The following PVT1 variants were observed in gnomAD, a reference collection of about 807,000 sequenced individuals.
The protein encoded by PVT1 is Pvt1 oncogene.
intron 2 of PVT1, among the ~76,000 whole-genome samples, chr8:127,797,704 A>G (rs564907055): frequency 3.6e-4 from 55 of 152,350 alleles, no homozygotes; most frequent in Non-Finnish European, 7.1e-4. Flanking sequence ...CACGCAAAGC[A>G]TGTTCTTCAC....
At chr8:128,058,895 G>A (rs536253320) in intron 4 of PVT1, among the ~76,000 whole-genome samples, 1 of 152,268 alleles carries the variant, frequency 6.6e-6, no homozygotes, top group South Asian at 2.1e-4. Flanking sequence ...ACTTGGTATT[G>A]CACCAGACGC....
At chr8:128,071,452 C>T (rs1328367023) in intron 5 of PVT1, among the ~76,000 whole-genome samples, 2 of 151,596 alleles carry the variant, frequency 1.3e-5, no homozygotes, top group Non-Finnish European at 1.5e-5. Flanking sequence ...GAGGCTGAGG[C>T]GGGAGGATCA....
chr8:127,999,774 T>C (rs979652077), intron 4 of PVT1, among the ~76,000 whole-genome samples: 2 of 152,226 alleles, frequency 1.3e-5, no homozygotes, highest in Non-Finnish European at 2.9e-5. Context: ...CATCCACTTT[T>C]AACAAACTTG....
chr8:128,100,076 C>T (rs1814483902), intron 6 of PVT1, among the ~76,000 whole-genome samples: 1 of 151,988 alleles, frequency 6.6e-6, no homozygotes, highest in Admixed American at 6.6e-5. Flanking sequence ...GCTGAGTCTG[C>T]AAATTCCATA....
intron 3 of PVT1, among the ~76,000 whole-genome samples, chr8:127,939,314 G>A (rs1451115448): frequency 1.3e-5 from 2 of 152,218 alleles, no homozygotes; most frequent in Non-Finnish European, 2.9e-5. Context: ...ATGGATGGGG[G>A]CCTACGACCG....
chr8:127,887,933 T>TG (rs1238175454), intron 2 of PVT1, among the ~76,000 whole-genome samples: 10 of 114,202 alleles, frequency 8.8e-5, no homozygotes, highest in Admixed American at 3.6e-4. Flanking sequence ...TCTATCTTGT[T>TG]TTTTTTTTTT....
chr8:127,844,858 C>T (rs865935959), intron 2 of PVT1, among the ~76,000 whole-genome samples: 2 of 152,090 alleles, frequency 1.3e-5, no homozygotes, highest in East Asian at 3.9e-4. Context: ...GAACTACAGG[C>T]GCCCACCACC....
At position 127,850,681 on chromosome 8, in the gene PVT1, G is replaced by C. The variant is rs144289018; in HGVS notation, n.373-39908G>C. ...CATTTTTTATGTAGACTCACTGATT[G>C]GGTAACTGTGGAAATAATGTCACAG... On this transcript the variant is annotated intron_variant and non_coding_transcript_variant, in intron 2 of 10. Coordinates refer to ENST00000651587, the Ensembl canonical transcript of PVT1. 4.1e-3 allele frequency among the ~76,000 whole-genome samples: 625 copies of C among 152,292 alleles called. 3 individuals are homozygous for C. The highest frequency in any genetic ancestry group is 0.014 in the African/African-American group (587 of 41,558).
chr8:127,916,920 T>G (rs990417789), intron 3 of PVT1, among the ~76,000 whole-genome samples: 1 of 152,206 alleles, frequency 6.6e-6, no homozygotes, highest in African/African-American at 2.4e-5. Flanking sequence ...TCGGTTCTGA[T>G]AGCAGGATGG....
intron 3 of PVT1, chr8:127,946,950 C>T (rs1479729400): frequency 6.6e-6 from 1 of 152,198 alleles, no homozygotes. Context: ...CTCCAAGCAG[C>T]AGGCTCTGGG....
chr8:127,864,225 G>A (rs1024796682), intron 2 of PVT1, among the ~76,000 whole-genome samples: 5 of 152,160 alleles, frequency 3.3e-5, no homozygotes, highest in African/African-American at 1.2e-4. Context: ...GTGTGGGTTG[G>A]AATGCTGGGG....
chr8:127,966,712 A>G lies in PVT1; in HGVS notation n.783-22450A>G, dbSNP rs535545331. The stretch of plus-strand genomic sequence containing the variant: ...GACTTAAATTTAAATAGCCCTCCCT[A>G]TGTAGCCAGTGGCCACCCCATTGGA... On this transcript the variant is annotated intron_variant and non_coding_transcript_variant, in intron 3 of 10. Coordinates refer to ENST00000651587, the Ensembl canonical transcript of PVT1. Among the ~76,000 whole-genome samples the G allele has an allele frequency of 5.3e-5, 8 of 152,278 alleles. No individual in the cohort carries two copies. In the East Asian group the frequency reaches 1.5e-3, roughly 29 times the overall value.
In PVT1 at chr8:127,880,596, C is replaced by CT. The variant is rs35252729; in HGVS notation, n.373-9973dup. On this transcript the variant is annotated intron_variant and non_coding_transcript_variant, in intron 2 of 10. Transcript: ENST00000651587. ...TAGGCATGAGCCATCGCCCCCGGCC[C>CT]TTTTTTTTTTTTTTTTTTTTCCGAG... Among the ~76,000 whole-genome samples, 537 of 108,076 alleles carry CT rather than the reference C, an allele frequency of 5.0e-3. 3 individuals carry two copies. The highest frequency in any genetic ancestry group is 0.015 in the East Asian group (53 of 3,532). 70.9% of individuals were successfully genotyped at this position (108,076 alleles called of 152,430 possible). A position where few individuals can be genotyped will look rare whatever the true frequency, so the allele number is the denominator to read the frequency against.
At chr8:128,014,736 A>C (rs995767884) in intron 4 of PVT1, among the ~76,000 whole-genome samples, 1 of 152,208 alleles carries the variant, frequency 6.6e-6, no homozygotes, top group African/African-American at 2.4e-5. Flanking sequence ...TTTCCATTGA[A>C]ATTGAAGTTC....
chr8:128,027,412 G>C (rs888312976), intron 4 of PVT1, among the ~76,000 whole-genome samples: 2 of 152,172 alleles, frequency 1.3e-5, no homozygotes, highest in Admixed American at 6.5e-5. Context: ...AACTTGGGTG[G>C]GGACAGGCAT....
intron 2 of PVT1, among the ~76,000 whole-genome samples, chr8:127,845,192 GAT>G (rs374661190): frequency 2.7e-4 from 41 of 151,132 alleles, no homozygotes; most frequent in African/African-American, 1.0e-3. Context: ...TGTGACGAGG[GAT>G]GGCACTGGGG....
chr8:128,043,682 A>G (rs1813572688), intron 4 of PVT1, among the ~76,000 whole-genome samples: 1 of 151,946 alleles, frequency 6.6e-6, no homozygotes, highest in Non-Finnish European at 1.5e-5. Context: ...GTCGATAATT[A>G]TATTTTGGAG....
chr8:127,995,628 G>A (rs980531662), intron 4 of PVT1, among the ~76,000 whole-genome samples: 2 of 152,310 alleles, frequency 1.3e-5, no homozygotes, highest in African/African-American at 4.8e-5. Flanking sequence ...TAGTGTTTGC[G>A]GTGATGGTCG....
chr8:127,878,309 T>C (rs1374440495), intron 2 of PVT1, among the ~76,000 whole-genome samples: 10 of 152,200 alleles, frequency 6.6e-5, no homozygotes, highest in Admixed American at 6.5e-4. Context: ...GAGGTGAGCC[T>C]GATTAAATGG....
Sources: allele counts gnomAD v4.1 joint callset (sites outside exome capture counted in the v4.1 genomes callset), GRCh38; gene constraint gnomAD v4.1.1; transcripts MANE v1.5; gene names NCBI Gene and HGNC (gene_info 2026-07-23, HGNC 2026-07-21).